The following PDE1C variants were observed in gnomAD, a reference collection of about 807,000 sequenced individuals.
The protein encoded by PDE1C is dual specificity calcium/calmodulin-dependent 3',5'-cyclic nucleotide phosphodiesterase 1C.
PDE1C carries 62 observed loss-of-function variants against 93.1 expected under a neutral mutation model. That is an observed-to-expected ratio of 0.67 (90% CI 0.54 to 0.82). The LOEUF is 0.82. Among genes scored for constraint, PDE1C ranks in the 40% least tolerant of loss-of-function variants. The pLI is 0.00. For synonymous variants in PDE1C, 325 were observed against 310.1 expected (o/e 1.05, Z -0.50); for missense variants, 742 against 884.6 (o/e 0.84, Z 2.04).
At chr7:32,151,850 G>A (rs909422685) in intron 3 of PDE1C, among the ~76,000 whole-genome samples, 8 of 152,156 alleles carry the variant, frequency 5.3e-5, no homozygotes, top group Admixed American at 5.2e-4. Context: ...TGGGTTCACA[G>A]GCTCAAATGT....
At chr7:32,337,188 G>C (rs528224917) in intron 1 of PDE1C, among the ~76,000 whole-genome samples, 129 of 152,194 alleles carry the variant, frequency 8.5e-4, no homozygotes, top group African/African-American at 2.9e-3. Context: ...TTCAATCAAT[G>C]AGTATTTATT....
At chr7:31,765,886 C>G (rs1795111389) in intron 17 of PDE1C, among the ~76,000 whole-genome samples, 1 of 152,166 alleles carries the variant, frequency 6.6e-6, no homozygotes, top group Non-Finnish European at 1.5e-5. Flanking sequence ...TAACCATTGG[C>G]AATGACCTTC....
At chr7:32,162,363 A>T (rs919576740) in intron 3 of PDE1C, among the ~76,000 whole-genome samples, 2 of 152,196 alleles carry the variant, frequency 1.3e-5, no homozygotes, top group Non-Finnish European at 2.9e-5. Context: ...ATGCACCAGC[A>T]GAGAACTGCA....
chr7:32,080,249 G>A (rs1796580869), intron 3 of PDE1C, among the ~76,000 whole-genome samples: 1 of 152,064 alleles, frequency 6.6e-6, no homozygotes, highest in African/African-American at 2.4e-5. Flanking sequence ...CTTCTAGAGG[G>A]CAGAGATCCC....
intron 1 of PDE1C, among the ~76,000 whole-genome samples, chr7:32,058,773 C>G (rs1794438613): frequency 6.6e-6 from 1 of 152,110 alleles, no homozygotes; most frequent in African/African-American, 2.4e-5. Context: ...AACTGGTGGT[C>G]TCTTGACACC....
intron 1 of PDE1C, among the ~76,000 whole-genome samples, chr7:32,391,979 G>C (rs568873293): frequency 6.6e-6 from 1 of 151,962 alleles, no homozygotes; most frequent in South Asian, 2.1e-4. Flanking sequence ...ATGAAGATTA[G>C]AGCGAAATAT....
rs142677322 is a variant in PDE1C, at chr7:32,269,819, G to A, written c.85+28832C>T. On this transcript the variant is annotated intron_variant, in intron 1 of 18. Transcript: ENST00000396193. ...GACAGCATCTCACTCTGTTGCCCAG[G>A]CTGGAGTGCAATGGTGTAGTCCTAG... Among the ~76,000 whole-genome samples the A allele has an allele frequency of 4.5e-4, 68 of 152,172 alleles. 1 individual carries two copies. Among genetic ancestry groups the A allele is most frequent in the African/African-American group, 1.6e-3 (67 of 41,516 alleles).
chr7:32,141,274 A>C (rs1800507622), intron 3 of PDE1C, among the ~76,000 whole-genome samples: 2 of 152,204 alleles, frequency 1.3e-5, no homozygotes, highest in Admixed American at 1.3e-4. Context: ...CAATGCTGTA[A>C]TGTGCTATTA....
chr7:31,922,942 C>G (rs903190054), intron 2 of PDE1C, among the ~76,000 whole-genome samples: 12 of 152,110 alleles, frequency 7.9e-5, no homozygotes, highest in Non-Finnish European at 1.6e-4. Context: ...AAGCCTCTAT[C>G]CTTTCTTTCT....
chr7:31,742,815 T>C, the PDE1C span, among the ~76,000 whole-genome samples: 2 of 152,216 alleles, frequency 1.3e-5, no homozygotes, highest in Non-Finnish European at 2.9e-5. Context: ...GCTCACTGTG[T>C]GTCTTATAAA....
intron 2 of PDE1C, among the ~76,000 whole-genome samples, chr7:31,884,830 C>G (rs1158931211): frequency 6.6e-6 from 1 of 152,170 alleles, no homozygotes. Context: ...AAGGACCCCT[C>G]TCTATTTGTC....
intron 1 of PDE1C, among the ~76,000 whole-genome samples, chr7:32,292,770 C>T (rs1812413120): frequency 6.6e-6 from 1 of 152,174 alleles, no homozygotes; most frequent in South Asian, 2.1e-4. Flanking sequence ...ATCCCGAAGC[C>T]CAGCTCAGGA....
chr7:32,040,518 A>G (rs1009768612), intron 2 of PDE1C, among the ~76,000 whole-genome samples: 2 of 152,198 alleles, frequency 1.3e-5, no homozygotes, highest in African/African-American at 4.8e-5. Flanking sequence ...AATCACCCCC[A>G]GTCGAGAACC....
At chr7:32,311,317 C>T (rs1439924342) in intron 1 of PDE1C, among the ~76,000 whole-genome samples, 1 of 152,144 alleles carries the variant, frequency 6.6e-6, no homozygotes, top group Non-Finnish European at 1.5e-5. Flanking sequence ...CCGAATTCTA[C>T]CAGAGGTACA....
intron 10 of PDE1C, among the ~76,000 whole-genome samples, chr7:31,837,565 TCA>T (rs1791278927): frequency 6.6e-6 from 1 of 152,098 alleles, no homozygotes; most frequent in African/African-American, 2.4e-5. Flanking sequence ...AATCCAAGAG[TCA>T]CTGACTTTTA....
intron 17 of PDE1C, among the ~76,000 whole-genome samples, chr7:31,774,027 TGACTTGGGTGA>T (rs1449396423): frequency 3.3e-5 from 5 of 152,182 alleles, no homozygotes; most frequent in African/African-American, 1.2e-4. Context: ...TCCACTTGTT[TGACTTGGGTGA>T]GGGAGCTACA....
At chr7:31,620,927 T>C in the PDE1C span, among the ~76,000 whole-genome samples, 2 of 151,964 alleles carry the variant, frequency 1.3e-5, no homozygotes, top group South Asian at 4.2e-4. Flanking sequence ...CTGATGGAGC[T>C]GAAAGCCAAG....
chr7:32,186,150 C>T (rs1205766756), intron 2 of PDE1C, among the ~76,000 whole-genome samples: 4 of 145,976 alleles, frequency 2.7e-5, no homozygotes, highest in Non-Finnish European at 4.5e-5. Context: ...GGCCCGACTG[C>T]GGACTGCAGT....
At chr7:32,088,372 C>T (rs1797253942) in intron 3 of PDE1C, among the ~76,000 whole-genome samples, 1 of 152,180 alleles carries the variant, frequency 6.6e-6, no homozygotes, top group Non-Finnish European at 1.5e-5. Flanking sequence ...TGATTCTGGG[C>T]ACCTTGGTAA....
Sources: gnomAD v4.1 joint callset for allele counts (sites outside exome capture counted in the v4.1 genomes callset) on GRCh38, gnomAD v4.1.1 for gene constraint, MANE v1.5 for transcripts, NCBI Gene and HGNC (gene_info 2026-07-23, HGNC 2026-07-21) for gene names.